The following ZNF212 variants were observed in gnomAD, a reference collection of about 807,000 sequenced individuals.
The protein encoded by ZNF212 is Zinc finger protein C2H2-150.
A neutral mutation model predicts 47.3 loss-of-function variants in ZNF212; 32 were observed. The observed-to-expected ratio is 0.68, with a 90% CI of 0.51 to 0.91. The LOEUF is 0.91. ZNF212 is among the 40% of genes least tolerant of loss of function. The pLI is 0.00. For synonymous variants in ZNF212, 242 were observed against 253.8 expected, an observed-to-expected ratio of 0.95 and a Z score of 0.44; for missense variants, 555 against 622.8, an observed-to-expected ratio of 0.89 and a Z score of 1.16.
At chr7:149,247,487 G>C (rs562427398) in intron 1 of ZNF212, among the ~76,000 whole-genome samples, 162 of 152,282 alleles carry the variant, frequency 1.1e-3, no homozygotes, top group African/African-American at 3.7e-3. Context: ...AGTAGACTTA[G>C]TAGTCGAAGT....
chr7:149,253,485 ATGTT>A, intron 4 of ZNF212, 70 bp from the exon 5 acceptor site: 5 of 1,507,122 alleles, frequency 3.3e-6, no homozygotes, highest in Middle Eastern at 2.0e-4. Context: ...AAATTCACAG[ATGTT>A]TGTTTGGTCC....
intron 1 of ZNF212, among the ~76,000 whole-genome samples, chr7:149,243,716 G>A (rs1432861066): frequency 2.6e-5 from 4 of 152,080 alleles, no homozygotes; most frequent in Non-Finnish European, 5.9e-5. Flanking sequence ...ACAGAATTGC[G>A]AGAAAGATTC....
chr7:149,254,291 A>G lies in ZNF212; in HGVS notation c.1364A>G (p.Tyr455Cys), dbSNP rs1463336463. ...HQRIHTGERP[Y>C]SCTECEKSFV... ...CGCATCCACACGGGTGAGCGGCCCT[A>G]CAGCTGCACTGAGTGTGAGAAGAGC... is the stretch of plus-strand genomic sequence containing the variant. Residue 455 changes from tyrosine (Y) to cysteine (C), a missense_variant, in exon 5 of 5, where the codon TAC (tyrosine) becomes TGC (cysteine). Physicochemically the swap from Tyr to Cys is radical, Grantham distance 194 (BLOSUM62 -2). Transcript: ENST00000335870. The surrounding 1 kb of genome is among the most constrained non-coding windows in gnomAD (Gnocchi z 4.5). 1.2e-6 allele frequency: 2 copies of G among 1,614,180 alleles called. No individual in the cohort carries two copies. The highest frequency in any genetic ancestry group is 3.3e-5 in the Admixed American group (2 of 60,032).
chr7:149,250,639 C>T (rs1413018401), intron 2 of ZNF212, 42 bp from the exon 3 acceptor site: 1 of 1,613,454 alleles, frequency 6.2e-7, no homozygotes, highest in Non-Finnish European at 8.5e-7. Flanking sequence ...TCTGTCATAG[C>T]TGTGAGTAGA....
At chr7:149,241,588 C>A (rs1026673638) in intron 1 of ZNF212, among the ~76,000 whole-genome samples, 3 of 152,088 alleles carry the variant, frequency 2.0e-5, no homozygotes, top group Non-Finnish European at 4.4e-5. Context: ...CAAGTAGGTG[C>A]CCTGATGAAA....
intron 3 of ZNF212, chr7:149,251,260 C>CTGCA (rs1413895142): frequency 1.6e-5 from 3 of 186,200 alleles, no homozygotes; most frequent in Non-Finnish European, 3.4e-5. Flanking sequence ...TCTTGGCTCA[C>CTGCA]TGCAACCTCT....
At chr7:149,249,365 A>G (rs774697626) in intron 1 of ZNF212, among the ~76,000 whole-genome samples, 3 of 152,182 alleles carry the variant, frequency 2.0e-5, no homozygotes, top group Non-Finnish European at 2.9e-5. Flanking sequence ...AAAGTTTTCA[A>G]ACGGGTGACA....
At chr7:149,251,941 T>TAAAAAAAAAAAAAAAAAAA (rs36067111) in intron 3 of ZNF212, among the ~76,000 whole-genome samples, 1 of 109,534 alleles carries the variant, frequency 9.1e-6, no homozygotes. Context: ...CTCTGTTGCT[T>TAAAAAAAAAAAAAAAAAAA]AAAAAAAAAA....
intron 1 of ZNF212, among the ~76,000 whole-genome samples, chr7:149,242,021 C>CTTTT (rs34883587): frequency 1.5e-4 from 18 of 121,316 alleles, no homozygotes; most frequent in Non-Finnish European, 1.9e-4. Context: ...CTTTTCTTTT[C>CTTTT]TTTTTTTTTT....
In ZNF212 at chr7:149,254,277, G is replaced by A. The variant is rs370440394; in HGVS notation, c.1350G>A (p.Thr450=). The A allele has an allele frequency of 1.3e-4, 209 of 1,614,102 alleles. 1 individual carries two copies. Among genetic ancestry groups the A allele is most frequent in the African/African-American group, 8.1e-4 (61 of 74,944 alleles). Residue 450 remains threonine (T), a synonymous_variant, in exon 5 of 5, where the codon ACG becomes ACA. Transcript: ENST00000335870. The surrounding 1 kb of genome is among the most constrained non-coding windows in gnomAD (Gnocchi z 4.5). ...TGGTGCGGCACCAGCGCATCCACAC[G>A]GGTGAGCGGCCCTACAGCTGCACTG... ...SDLVRHQRIH[T]GERPYSCTEC...
intron 1 of ZNF212, among the ~76,000 whole-genome samples, chr7:149,241,690 G>A (rs958415610): frequency 6.6e-6 from 1 of 152,196 alleles, no homozygotes; most frequent in African/African-American, 2.4e-5. Flanking sequence ...AAGCGAAAGA[G>A]GAAACTCGAA....
At chr7:149,246,571 A>G (rs1796680020) in intron 1 of ZNF212, among the ~76,000 whole-genome samples, 1 of 152,062 alleles carries the variant, frequency 6.6e-6, no homozygotes, top group Admixed American at 6.6e-5. Flanking sequence ...TATTTTTAGT[A>G]GAGATGGGGT....
In ZNF212 at chr7:149,250,443, G is replaced by A; in HGVS notation, c.309G>A (p.Glu103=). 3 of 1,614,206 alleles carry A rather than the reference G, an allele frequency of 1.9e-6. No individual in the cohort carries two copies. The highest frequency in any genetic ancestry group is 2.5e-6 in the Non-Finnish European group (3 of 1,180,036). ...CCGTGCTGGGGACCCTGCTGCAGGA[G>A]TATGGGCTACTGCAGAGGCGGCTGG... The part of the protein sequence containing the change: ...KWAVLGTLLQ[E]YGLLQRRLEN... The change falls in exon 2 of 5, where the codon GAG becomes GAA. Residue 103 remains glutamate, a synonymous_variant. Coordinates refer to ENST00000335870, the MANE Select transcript of ZNF212 (RefSeq NM_012256.4).
Position 149,254,032 on chromosome 7 carries a change from C to T in ZNF212, c.1105C>T (p.His369Tyr), listed in dbSNP as rs753622569. The change falls in exon 5 of 5, where the codon CAT becomes TAT. Residue 369 changes from histidine to tyrosine, a missense_variant. His to Tyr is a moderately conservative substitution (Grantham distance 83). Coordinates refer to ENST00000335870, the MANE Select transcript of ZNF212 (RefSeq NM_012256.4). The surrounding 1 kb of genome is among the most constrained non-coding windows in gnomAD (Gnocchi z 4.5). ...LKPQTKKAKLHQCDVCLRSFS... is the reference protein window; with the variant it reads ...LKPQTKKAKLYQCDVCLRSFS... ...ACCACAGACCAAAAAGGCCAAGCTGCATCAGTGTGATGTGTGCCTGAGGAG... is the reference window on the plus strand; with the variant it reads ...ACCACAGACCAAAAAGGCCAAGCTGTATCAGTGTGATGTGTGCCTGAGGAG... The T allele has an allele frequency of 1.6e-5, 26 of 1,612,950 alleles. No individual in the cohort carries two copies. The South Asian group carries it at 2.8e-4, about 17-fold the overall frequency.
chr7:149,247,716 T>G (rs993766625), intron 1 of ZNF212, among the ~76,000 whole-genome samples: 9 of 152,220 alleles, frequency 5.9e-5, no homozygotes, highest in African/African-American at 2.2e-4. Flanking sequence ...TGGTTCCTTA[T>G]GAGTTTTGTG....
intron 1 of ZNF212, chr7:149,240,190 C>T: frequency 4.7e-6 from 1 of 214,820 alleles, no homozygotes; most frequent in Non-Finnish European, 9.1e-6. Flanking sequence ...CGGGAGACCC[C>T]AGGACTTGCC....
chr7:149,251,949 A>AG (rs1760973785), intron 3 of ZNF212, among the ~76,000 whole-genome samples: 1 of 151,436 alleles, frequency 6.6e-6, no homozygotes, highest in Admixed American at 6.6e-5. Flanking sequence ...CTTAAAAAAA[A>AG]AAAAAAAAAA....
Position 149,239,821 on chromosome 7 carries a change from G to T in ZNF212, c.24+19G>T, listed in dbSNP as rs974199367. 10 of 1,272,026 alleles carry T rather than the reference G, an allele frequency of 7.9e-6. No homozygotes were observed. The African/African-American group carries it at 1.5e-4, about 20-fold the overall frequency. The allele number at this position is 1,272,026 out of a possible 1,614,324, so 78.8% of individuals were successfully genotyped here. A position where few individuals can be genotyped will look rare whatever the true frequency, so the allele number is the denominator to read the frequency against. On this transcript the variant is annotated intron_variant, in intron 1 of 4. Transcript: ENST00000335870. Reference sequence around the variant, plus strand: ...TGCTCGGGTAAAGAGGCACCGGCGCGCTGGCTCGAGGGCGCGTTGGGGATG... The same window carrying T: ...TGCTCGGGTAAAGAGGCACCGGCGCTCTGGCTCGAGGGCGCGTTGGGGATG...
At chr7:149,239,827 TC>T in intron 1 of ZNF212, 25 bp downstream of exon 1, 1 of 1,269,708 alleles carries the variant, frequency 7.9e-7, no homozygotes, top group Non-Finnish European at 1.0e-6. Context: ...GCGCGCTGGC[TC>T]GAGGGCGCGT....
Sources: allele counts gnomAD v4.1 joint callset (sites outside exome capture counted in the v4.1 genomes callset), GRCh38; gene constraint gnomAD v4.1.1; non-coding constraint Gnocchi (gnomAD v3.1); transcripts MANE v1.5; gene names NCBI Gene and HGNC (gene_info 2026-07-23, HGNC 2026-07-21).